PFKFB3: variants seen among roughly 807,000 people sequenced by gnomAD.
PFKFB3 encodes 6-phosphofructo-2-kinase/fructose-2,6-bisphosphatase 3.
A neutral mutation model predicts 68.0 loss-of-function variants in PFKFB3; 33 were observed. That is an observed-to-expected ratio of 0.49 (90% CI 0.37 to 0.65). The LOEUF (loss-of-function observed/expected upper bound fraction) is 0.65, where lower values mean the gene tolerates loss of function less well. Ranked by LOEUF, PFKFB3 falls within the 30% of genes least tolerant of loss-of-function variation. The pLI, the probability that PFKFB3 is intolerant of heterozygous loss-of-function variation, is 0.00. For synonymous variants in PFKFB3, 315 were observed against 288.2 expected (o/e 1.09, Z -0.94); for missense variants, 586 against 712.2 (o/e 0.82, Z 2.02).
chr10:6,285,931 T>G, the PFKFB3 span, among the ~76,000 whole-genome samples: 1 of 151,934 alleles, frequency 6.6e-6, no homozygotes, highest in African/African-American at 2.4e-5. Flanking sequence ...ATGTATGTAC[T>G]ACGTTTTAAA....
chr10:6,308,497 CAG>C, the PFKFB3 span, among the ~76,000 whole-genome samples: 1 of 152,170 alleles, frequency 6.6e-6, no homozygotes, highest in South Asian at 2.1e-4. Flanking sequence ...GCCTGGGTGA[CAG>C]AGAGAGACTC....
At chr10:6,315,910 A>T in the PFKFB3 span, among the ~76,000 whole-genome samples, 2 of 152,036 alleles carry the variant, frequency 1.3e-5, no homozygotes, top group Admixed American at 1.3e-4. Context: ...TGTTGATGAC[A>T]GTATATTTGA....
intron 1 of PFKFB3, among the ~76,000 whole-genome samples, chr10:6,167,958 G>A (rs1355853279): frequency 6.6e-6 from 1 of 152,102 alleles, no homozygotes. Context: ...GGTCGTTCCT[G>A]CTTTTTTCTA....
At chr10:6,148,555 C>T (rs993084792) in intron 1 of PFKFB3, among the ~76,000 whole-genome samples, 3 of 152,082 alleles carry the variant, frequency 2.0e-5, no homozygotes, top group African/African-American at 2.4e-5. Context: ...TCCAGGGTGA[C>T]GGTGGTTAGA....
intron 1 of PFKFB3, among the ~76,000 whole-genome samples, chr10:6,203,899 T>C: frequency 6.6e-6 from 1 of 151,560 alleles, no homozygotes; most frequent in East Asian, 2.0e-4. Context: ...TTTCTGCTTT[T>C]ATCTCTTTCT....
At chr10:6,181,940 G>A (rs767381941) in intron 1 of PFKFB3, among the ~76,000 whole-genome samples, 3 of 152,088 alleles carry the variant, frequency 2.0e-5, no homozygotes, top group Non-Finnish European at 4.4e-5. Context: ...TGTTTAAATG[G>A]GGACACAGTT....
chr10:6,326,202 A>T, the PFKFB3 span, among the ~76,000 whole-genome samples: 1 of 152,194 alleles, frequency 6.6e-6, no homozygotes, highest in Non-Finnish European at 1.5e-5. Context: ...CAAACACTGC[A>T]TGTTCTCACT....
intron 1 of PFKFB3, among the ~76,000 whole-genome samples, chr10:6,210,610 A>G (rs113753819): frequency 0.077 from 1,209 of 15,604 alleles, 272 homozygotes; most frequent in Admixed American, 0.27. Flanking sequence ...GGGTTTCGCC[A>G]TGTTAGCCAG....
At chr10:6,271,664 G>A in the PFKFB3 span, among the ~76,000 whole-genome samples, 1 of 152,214 alleles carries the variant, frequency 6.6e-6, no homozygotes, top group African/African-American at 2.4e-5. Flanking sequence ...CTAAGGTTGT[G>A]TAGAATAAAT....
At position 6,215,215 on chromosome 10, in the gene PFKFB3, C is replaced by T; in HGVS notation, c.203-6C>T. On this transcript the variant is annotated splice_polypyrimidine_tract_variant and splice_region_variant and intron_variant, in intron 2 of 14. Coordinates refer to ENST00000379775, the MANE Select transcript of PFKFB3 (RefSeq NM_004566.4). The surrounding 1 kb of genome is among the most constrained non-coding windows in gnomAD (Gnocchi z 4.3). ...TCATCCAGACTGTTCTCTTTCCCGTCCACAGTGTTCAACGTCGGGGAGTAT... is the reference window on the plus strand; with the variant it reads ...TCATCCAGACTGTTCTCTTTCCCGTTCACAGTGTTCAACGTCGGGGAGTAT... 6.2e-7 allele frequency: 1 copy of T among 1,611,864 alleles called. No homozygotes were observed. Among genetic ancestry groups the T allele is most frequent in the Non-Finnish European group, 8.5e-7 (1 of 1,178,030 alleles).
At chr10:6,225,103 G>C in intron 13 of PFKFB3, 2 of 456,194 alleles carry the variant, frequency 4.4e-6, no homozygotes, top group Non-Finnish European at 8.8e-6. Context: ...TGAGTAGAGT[G>C]GGCCTCTGCT....
chr10:6,226,202 A>T lies in PFKFB3; in HGVS notation c.1352A>T (p.Lys451Met). The change falls in exon 14 of 15, where the codon AAG becomes ATG. Residue 451 changes from lysine (K) to methionine (M), a missense_variant. By Grantham distance (95) the Lys-to-Met change is moderately conservative. Coordinates refer to ENST00000379775, the MANE Select transcript of PFKFB3 (RefSeq NM_004566.4). ...THRERSEDAK[K>M]GPNPLMRRNS... ...CTTTGTCTTGCTTAGGATGCAAAGA[A>T]GGGACCTAACCCGCTCATGAGACGC... is the stretch of plus-strand genomic sequence containing the variant. The T allele has an allele frequency of 6.3e-7, 1 of 1,589,270 alleles. No homozygotes were observed. The highest frequency in any genetic ancestry group is 1.1e-5 in the South Asian group (1 of 88,306).
At chr10:6,261,315 A>G in the PFKFB3 span, among the ~76,000 whole-genome samples, 1 of 152,170 alleles carries the variant, frequency 6.6e-6, no homozygotes, top group Non-Finnish European at 1.5e-5. Flanking sequence ...GCTTTTCCTA[A>G]TCTGTCAGTT....
chr10:6,191,850 G>A (rs1843031522), intron 1 of PFKFB3, among the ~76,000 whole-genome samples: 1 of 152,054 alleles, frequency 6.6e-6, no homozygotes, highest in Admixed American at 6.6e-5. Flanking sequence ...TCACAGCCTT[G>A]TTCCTTCTCC....
the PFKFB3 span, among the ~76,000 whole-genome samples, chr10:6,307,116 C>T: frequency 1.5e-4 from 23 of 152,228 alleles, no homozygotes; most frequent in Middle Eastern, 3.4e-3. Flanking sequence ...CTCCAGCAGG[C>T]GGCCTCCAGG....
At chr10:6,265,082 A>T in the PFKFB3 span, among the ~76,000 whole-genome samples, 362 of 134,460 alleles carry the variant, frequency 2.7e-3, 3 homozygotes, top group African/African-American at 8.4e-3. Context: ...TTTTTCTTTC[A>T]TTTTTTTTTT....
chr10:6,309,699 A>G, the PFKFB3 span, among the ~76,000 whole-genome samples: 10 of 152,268 alleles, frequency 6.6e-5, no homozygotes, highest in Admixed American at 1.3e-4. Flanking sequence ...ACATATCGCC[A>G]TATTTATGGA....
intron 14 of PFKFB3, 46 bp downstream of exon 14, chr10:6,226,411 G>T (rs1845357751): frequency 6.4e-7 from 1 of 1,552,314 alleles, no homozygotes; most frequent in East Asian, 2.3e-5. Flanking sequence ...CGCATGCCGG[G>T]CGTGATGCCA....
chr10:6,232,653 G>A (rs2132053897), intron 14 of PFKFB3, among the ~76,000 whole-genome samples: 1 of 151,864 alleles, frequency 6.6e-6, no homozygotes, highest in Non-Finnish European at 1.5e-5. Context: ...CCACCAGGCG[G>A]GCTCCAGGCC....
Sources: allele counts gnomAD v4.1 joint callset (sites outside exome capture counted in the v4.1 genomes callset), GRCh38; gene constraint gnomAD v4.1.1; non-coding constraint Gnocchi (gnomAD v3.1); transcripts MANE v1.5; gene names NCBI Gene and HGNC (gene_info 2026-07-23, HGNC 2026-07-21).